Variants in RBFOX3 observed in about 807,000 individuals in gnomAD.
The protein encoded by RBFOX3 is RNA binding fox-1 homolog 3, also known as RNA binding protein fox-1 homolog 3.
Under a neutral mutation model 48.7 loss-of-function variants are expected in RBFOX3, and 17 were observed. The observed-to-expected ratio is 0.35, with a 90% CI of 0.24 to 0.52. The LOEUF (loss-of-function observed/expected upper bound fraction) is 0.52. Ranked by LOEUF, RBFOX3 falls within the 20% of genes least tolerant of loss-of-function variation. The pLI is 0.94. For missense variants in RBFOX3, 382 were observed against 497.5 expected, an observed-to-expected ratio of 0.77 and a Z score of 2.21; for synonymous variants, 212 against 209.5, an observed-to-expected ratio of 1.01 and a Z score of -0.10.
At chr17:79,240,590 C>CT (rs1189232456) in intron 3 of RBFOX3, among the ~76,000 whole-genome samples, 2 of 152,226 alleles carry the variant, frequency 1.3e-5, no homozygotes, top group African/African-American at 4.8e-5. Flanking sequence ...GGACACATTC[C>CT]TACCCTTGAT....
intron 4 of RBFOX3, among the ~76,000 whole-genome samples, chr17:79,215,369 C>A (rs1329697675): frequency 1.3e-5 from 2 of 152,218 alleles, no homozygotes; most frequent in South Asian, 4.1e-4. Flanking sequence ...GTAGGAGACG[C>A]CTCTGGAAAG....
At chr17:79,256,051 C>A (rs4789975) in intron 3 of RBFOX3, among the ~76,000 whole-genome samples, 4 of 151,860 alleles carry the variant, frequency 2.6e-5, no homozygotes, top group East Asian at 2.0e-4. Flanking sequence ...TCCATACCAC[C>A]AACTTCCCTG....
intron 5 of RBFOX3, among the ~76,000 whole-genome samples, chr17:79,107,334 GT>G (rs2077574200): frequency 6.6e-6 from 1 of 152,212 alleles, no homozygotes; most frequent in African/African-American, 2.4e-5. Flanking sequence ...AACCTTTGGG[GT>G]TCACCTCCAG....
Position 79,363,109 on chromosome 17 carries a change from G to A in RBFOX3, c.-174-55285C>T, listed in dbSNP as rs544645079. On this transcript the variant is annotated intron_variant, in intron 2 of 14. Transcript: ENST00000693108. This position sits in a 1 kb window ranked among gnomAD's most constrained non-coding sequence, Gnocchi z 4.7. ...CGAGGTTTCTGGGCCATAGTGAGCC[G>A]CAGGGGAGGCACGTGGCTCCTGCAG... Among the ~76,000 whole-genome samples the A allele has an allele frequency of 2.1e-4, 32 of 152,308 alleles. No homozygotes were observed. The highest frequency in any genetic ancestry group is 1.4e-3 in the South Asian group (7 of 4,832).
At position 79,381,259 on chromosome 17, in the gene RBFOX3, C is replaced by CA. The variant is rs35928942; in HGVS notation, c.-174-73436dup. ...TGGATGACAGAGCAAGACTCTGTCTCAAAAAAAAAAAAAAAGTAAAAAGAA... is the reference window on the plus strand; with the variant it reads ...TGGATGACAGAGCAAGACTCTGTCTCAAAAAAAAAAAAAAAAGTAAAAAGAA... On this transcript the variant is annotated intron_variant, in intron 2 of 14. Transcript: ENST00000693108. 4.8e-5 allele frequency among the ~76,000 whole-genome samples: 7 copies of CA among 146,652 alleles called. No homozygotes were observed. In the South Asian group the frequency reaches 6.5e-4, roughly 14 times the overall value.
At position 79,297,933 on chromosome 17, in the gene RBFOX3, C is replaced by T. The variant is rs199974289; in HGVS notation, c.-74+9791G>A. ...AAAAGCCTATGAATTACCAACAACGCGTGTGTCTGGGAAGATGTAACGGGT... is the reference window on the plus strand; with the variant it reads ...AAAAGCCTATGAATTACCAACAACGTGTGTGTCTGGGAAGATGTAACGGGT... On this transcript the variant is annotated intron_variant, in intron 3 of 14. Transcript: ENST00000693108. Among the ~76,000 whole-genome samples the T allele has an allele frequency of 5.9e-5, 9 of 152,328 alleles. No individual in the cohort carries two copies. The East Asian group carries it at 7.7e-4, about 13-fold the overall frequency.
In RBFOX3 at chr17:79,103,346, G is replaced by T; in HGVS notation, c.415-92C>A. On this transcript the variant is annotated intron_variant, in intron 7 of 14. Coordinates refer to ENST00000693108, the MANE Select transcript of RBFOX3 (RefSeq NM_001350451.2). This position sits in a 1 kb window ranked among gnomAD's most constrained non-coding sequence, Gnocchi z 6.1. ...ACGAGGAAGAAGAGGAGTGGGAGGG[G>T]GGCAGGGGAGTGGGGAGAGAGAGAG... The T allele has an allele frequency of 1.2e-6, 1 of 825,248 alleles. No individual in the cohort carries two copies. The highest frequency in any genetic ancestry group is 2.0e-6 in the Non-Finnish European group (1 of 496,236). 51.1% of individuals were successfully genotyped at this position (825,248 alleles called of 1,614,324 possible).
intron 3 of RBFOX3, among the ~76,000 whole-genome samples, chr17:79,304,379 C>T (rs2145456549): frequency 6.7e-6 from 1 of 149,878 alleles, no homozygotes; most frequent in Non-Finnish European, 1.5e-5. Context: ...TATATATGTA[C>T]ATATATTTGT....
chr17:79,464,062 G>A (rs576344534), intron 2 of RBFOX3, among the ~76,000 whole-genome samples: 6 of 152,300 alleles, frequency 3.9e-5, no homozygotes, highest in African/African-American at 7.2e-5. Flanking sequence ...GGGCTTAACC[G>A]TAAGCCCTTG....
At chr17:79,610,002 G>C (rs1301960085) in intron 1 of RBFOX3, among the ~76,000 whole-genome samples, 6 of 151,930 alleles carry the variant, frequency 3.9e-5, no homozygotes, top group African/African-American at 9.7e-5. Context: ...GAGGCCCTGG[G>C]GGTGGCCGAG....
chr17:79,582,782 CAAAAAAAAAA>C (rs36155299), intron 1 of RBFOX3, among the ~76,000 whole-genome samples: 32 of 46,910 alleles, frequency 6.8e-4, no homozygotes, highest in Admixed American at 1.2e-3. Context: ...GACCCCGTCT[CAAAAAAAAAA>C]AAAAAAAAAA....
chr17:79,478,013 C>T (rs2078194927), intron 2 of RBFOX3, among the ~76,000 whole-genome samples: 1 of 152,128 alleles, frequency 6.6e-6, no homozygotes, highest in African/African-American at 2.4e-5. Context: ...GAGCAACGTC[C>T]CATCCGCTTC....
At chr17:79,489,772 GTGGTT>G (rs2080223278) in intron 1 of RBFOX3, among the ~76,000 whole-genome samples, 1 of 152,156 alleles carries the variant, frequency 6.6e-6, no homozygotes, top group Admixed American at 6.5e-5. Context: ...CTGGGTGCCA[GTGGTT>G]CTACTTCTGC....
At chr17:79,104,860 C>T (rs1379801302) in intron 6 of RBFOX3, among the ~76,000 whole-genome samples, 1 of 152,082 alleles carries the variant, frequency 6.6e-6, no homozygotes, top group East Asian at 1.9e-4. Context: ...GAGGGTCTTC[C>T]GCCCAGGCCC....
chr17:79,455,259 G>A (rs781871226), intron 2 of RBFOX3, among the ~76,000 whole-genome samples: 9 of 152,184 alleles, frequency 5.9e-5, no homozygotes, highest in South Asian at 2.1e-4. Flanking sequence ...GCAGGCTACC[G>A]TGACGGGGGA....
At chr17:79,409,026 C>T (rs1030443088) in intron 2 of RBFOX3, among the ~76,000 whole-genome samples, 9 of 152,210 alleles carry the variant, frequency 5.9e-5, no homozygotes, top group Non-Finnish European at 1.2e-4. Context: ...CCCTCAGCGA[C>T]CACCAATCTC....
At chr17:79,262,706 T>G (rs564816684) in intron 3 of RBFOX3, among the ~76,000 whole-genome samples, 3 of 152,262 alleles carry the variant, frequency 2.0e-5, no homozygotes, top group South Asian at 2.1e-4. Flanking sequence ...GGCTGCCCCG[T>G]GTGCCCCACA....
At chr17:79,360,147 T>C (rs946036938) in intron 2 of RBFOX3, among the ~76,000 whole-genome samples, 3 of 152,198 alleles carry the variant, frequency 2.0e-5, no homozygotes, top group South Asian at 2.1e-4. Context: ...ATAGCAAGCA[T>C]GCTGTGCTCA....
intron 2 of RBFOX3, among the ~76,000 whole-genome samples, chr17:79,328,760 A>G (rs1181324487): frequency 2.0e-5 from 3 of 152,208 alleles, no homozygotes; most frequent in Non-Finnish European, 4.4e-5. Context: ...TCACCTGTGA[A>G]AACAGCATCC....
Sources: allele counts gnomAD v4.1 joint callset (sites outside exome capture counted in the v4.1 genomes callset), GRCh38; gene constraint gnomAD v4.1.1; non-coding constraint Gnocchi (gnomAD v3.1); transcripts MANE v1.5; gene names NCBI Gene and HGNC (gene_info 2026-07-23, HGNC 2026-07-21).